PPARGC1A: variants seen among roughly 807,000 people sequenced by gnomAD.
PPARGC1A encodes the protein peroxisome proliferator-activated receptor gamma coactivator 1-alpha.
In PPARGC1A, 25 loss-of-function variants were observed where a neutral mutation model predicts 88.7. The observed-to-expected ratio is 0.28, with a 90% CI of 0.21 to 0.39. PPARGC1A has a LOEUF of 0.39. PPARGC1A is among the 10% of genes least tolerant of loss of function. The pLI is 1.00. For synonymous variants in PPARGC1A, 363 were observed against 355.6 expected, an observed-to-expected ratio of 1.02 and a Z score of -0.24; for missense variants, 880 against 968.7, an observed-to-expected ratio of 0.91 and a Z score of 1.22.
At chr4:24,011,779 C>G in the PPARGC1A span, among the ~76,000 whole-genome samples, 1 of 152,088 alleles carries the variant, frequency 6.6e-6, no homozygotes. Flanking sequence ...CAACCTATAC[C>G]TTTTTTGAAT....
the PPARGC1A span, among the ~76,000 whole-genome samples, chr4:24,323,884 C>G: frequency 6.6e-6 from 1 of 152,242 alleles, no homozygotes; most frequent in Non-Finnish European, 1.5e-5. Context: ...TCTTTTTACT[C>G]TCTTCTCCAG....
At chr4:24,379,114 G>GA in the PPARGC1A span, among the ~76,000 whole-genome samples, 7 of 152,170 alleles carry the variant, frequency 4.6e-5, no homozygotes, top group African/African-American at 1.4e-4. Context: ...TATTAAAATT[G>GA]AAAAGAAAAC....
chr4:24,103,042 A>G, the PPARGC1A span, among the ~76,000 whole-genome samples: 20 of 152,302 alleles, frequency 1.3e-4, no homozygotes, highest in Middle Eastern at 6.8e-3. Context: ...GTTTGTTGCA[A>G]TGATAAGCTC....
chr4:23,853,362 C>G (rs1441451730), intron 2 of PPARGC1A, among the ~76,000 whole-genome samples: 1 of 152,098 alleles, frequency 6.6e-6, no homozygotes, highest in East Asian at 1.9e-4. Flanking sequence ...TGTTCTATTA[C>G]AATGGTCCAA....
At chr4:24,058,805 C>T in the PPARGC1A span, among the ~76,000 whole-genome samples, 20 of 151,988 alleles carry the variant, frequency 1.3e-4, no homozygotes, top group African/African-American at 4.8e-4. Context: ...ATTAGCCGGG[C>T]GTGGTGGTGC....
chr4:24,028,575 A>C, the PPARGC1A span, among the ~76,000 whole-genome samples: 1 of 152,216 alleles, frequency 6.6e-6, no homozygotes, highest in Non-Finnish European at 1.5e-5. Context: ...GAGTCAAGGA[A>C]GAATACAAAG....
At chr4:24,336,784 C>G in the PPARGC1A span, among the ~76,000 whole-genome samples, 1 of 152,060 alleles carries the variant, frequency 6.6e-6, no homozygotes, top group Non-Finnish European at 1.5e-5. Context: ...TGCCATGAGG[C>G]AAACACAGTG....
At chr4:24,419,163 A>G in the PPARGC1A span, among the ~76,000 whole-genome samples, 3 of 152,128 alleles carry the variant, frequency 2.0e-5, no homozygotes, top group Admixed American at 6.5e-5. Context: ...GACACTTAGC[A>G]TCTTCCAGAA....
At chr4:23,901,369 C>CAAAA (rs766239228), upstream of PPARGC1A, among the ~76,000 whole-genome samples, 67 of 71,580 alleles carry the variant, frequency 9.4e-4, no homozygotes, top group East Asian at 2.2e-3. Context: ...GACTCCGTCT[C>CAAAA]AAAAAAAAAA....
chr4:23,843,423 G>T (rs1218891017), intron 2 of PPARGC1A, among the ~76,000 whole-genome samples: 1 of 152,022 alleles, frequency 6.6e-6, no homozygotes, highest in Non-Finnish European at 1.5e-5. Flanking sequence ...ACAGTACAGG[G>T]CTGTTTTCAG....
the PPARGC1A span, among the ~76,000 whole-genome samples, chr4:24,327,937 A>G: frequency 2.6e-4 from 39 of 152,232 alleles, no homozygotes; most frequent in East Asian, 7.1e-3. Flanking sequence ...GCCCTGCCCC[A>G]CCTTAACTGA....
the PPARGC1A span, among the ~76,000 whole-genome samples, chr4:24,087,372 G>A: frequency 6.6e-6 from 1 of 152,186 alleles, no homozygotes; most frequent in African/African-American, 2.4e-5. Context: ...TCCTTGAGGA[G>A]TTCATCTTCT....
upstream of PPARGC1A, among the ~76,000 whole-genome samples, chr4:23,904,240 G>C (rs1208926531): frequency 6.6e-6 from 1 of 152,194 alleles, no homozygotes; most frequent in African/African-American, 2.4e-5. Flanking sequence ...AATATGTACA[G>C]TATCATGTGC....
chr4:24,448,639 T>C, the PPARGC1A span, among the ~76,000 whole-genome samples: 2 of 152,252 alleles, frequency 1.3e-5, no homozygotes, highest in Admixed American at 1.3e-4. Context: ...CTCCCAGCTG[T>C]GGCCACATAG....
chr4:23,919,561 AAG>A, the PPARGC1A span, among the ~76,000 whole-genome samples: 9,420 of 103,398 alleles, frequency 0.091, 607 homozygotes, highest in African/African-American at 0.26. Context: ...AAAAAAAAAA[AAG>A]AAGTGAATTG....
the PPARGC1A span, among the ~76,000 whole-genome samples, chr4:24,450,330 A>G: frequency 6.6e-6 from 1 of 152,212 alleles, no homozygotes; most frequent in East Asian, 1.9e-4. Flanking sequence ...CACATGTACG[A>G]ACTCCTTTAA....
chr4:24,436,097 A>C, the PPARGC1A span, among the ~76,000 whole-genome samples: 1 of 152,342 alleles, frequency 6.6e-6, no homozygotes. Context: ...CTAATTCCTT[A>C]TATTGCATAT....
chr4:23,807,879 C>T (rs1020820235), intron 10 of PPARGC1A, among the ~76,000 whole-genome samples: 1 of 152,058 alleles, frequency 6.6e-6, no homozygotes, highest in African/African-American at 2.4e-5. Context: ...TTCCATAAAA[C>T]TGAATATTTC....
the PPARGC1A span, among the ~76,000 whole-genome samples, chr4:24,132,162 T>C: frequency 6.6e-6 from 1 of 152,068 alleles, no homozygotes; most frequent in African/African-American, 2.4e-5. Context: ...ATAGAGGAGA[T>C]TGAGGCAGAG....
Sources: allele counts gnomAD v4.1 joint callset (sites outside exome capture counted in the v4.1 genomes callset), GRCh38; gene constraint gnomAD v4.1.1; transcripts MANE v1.5; gene names NCBI Gene and HGNC (gene_info 2026-07-23, HGNC 2026-07-21).